PPARGC1A: variants seen among roughly 807,000 people sequenced by gnomAD.
PPARGC1A encodes the protein PPARG coactivator 1 alpha.
A neutral mutation model predicts 88.7 loss-of-function variants in PPARGC1A; 25 were observed. The ratio of observed to expected loss-of-function variants is 0.28; its 90% confidence interval spans 0.21 to 0.39. PPARGC1A has a LOEUF of 0.39. Among genes scored for constraint, PPARGC1A ranks in the 10% least tolerant of loss-of-function variants. The pLI is 1.00. For missense variants in PPARGC1A, 880 were observed against 968.7 expected (o/e 0.91, Z 1.22); for synonymous variants, 363 against 355.6 (o/e 1.02, Z -0.24).
the PPARGC1A span, among the ~76,000 whole-genome samples, chr4:24,452,817 C>G: frequency 6.6e-6 from 1 of 152,162 alleles, no homozygotes; most frequent in South Asian, 2.1e-4. Flanking sequence ...ACATCCCCAA[C>G]AAAGGGCCTG....
At chr4:23,961,621 C>T in the PPARGC1A span, among the ~76,000 whole-genome samples, 1 of 152,154 alleles carries the variant, frequency 6.6e-6, no homozygotes, top group African/African-American at 2.4e-5. Context: ...TGCATTGTAA[C>T]CACATGGTGC....
the PPARGC1A span, among the ~76,000 whole-genome samples, chr4:24,007,996 G>A: frequency 4.6e-5 from 7 of 152,230 alleles, no homozygotes; most frequent in South Asian, 1.0e-3. Flanking sequence ...TGACATCTTG[G>A]GAGCAATACC....
intron 5 of PPARGC1A, among the ~76,000 whole-genome samples, chr4:23,824,943 T>C (rs1723672478): frequency 6.6e-6 from 1 of 152,262 alleles, no homozygotes; most frequent in African/African-American, 2.4e-5. Context: ...GCCCTGATAA[T>C]AGTTATTTCT....
At chr4:24,095,170 T>G in the PPARGC1A span, among the ~76,000 whole-genome samples, 30,322 of 143,380 alleles carry the variant, frequency 0.21, 3,968 homozygotes, top group Admixed American at 0.35. Flanking sequence ...CAGGCTGGAG[T>G]GCAGTGGCAC....
the PPARGC1A span, among the ~76,000 whole-genome samples, chr4:23,939,450 A>G: frequency 6.6e-6 from 1 of 152,236 alleles, no homozygotes; most frequent in African/African-American, 2.4e-5. Flanking sequence ...TGTTTAGAAA[A>G]TAACAACTAT....
At chr4:24,160,448 T>G in the PPARGC1A span, among the ~76,000 whole-genome samples, 60,926 of 152,020 alleles carry the variant, frequency 0.4, 14,199 homozygotes, top group African/African-American at 0.65. Context: ...TTTGCCCAGG[T>G]ATTCTGAATA....
At chr4:24,348,771 A>G in the PPARGC1A span, among the ~76,000 whole-genome samples, 1 of 151,978 alleles carries the variant, frequency 6.6e-6, no homozygotes, top group Non-Finnish European at 1.5e-5. Context: ...TCTTTCCCTT[A>G]TTAGCTAAAT....
chr4:24,217,788 G>A, the PPARGC1A span, among the ~76,000 whole-genome samples: 1 of 152,174 alleles, frequency 6.6e-6, no homozygotes, highest in Non-Finnish European at 1.5e-5. Context: ...GGGCAACAGA[G>A]TGAGACTCCA....
the PPARGC1A span, among the ~76,000 whole-genome samples, chr4:24,356,328 G>A: frequency 5.3e-5 from 8 of 152,258 alleles, no homozygotes; most frequent in Non-Finnish European, 1.0e-4. Context: ...TCACGGGAAG[G>A]CCCAGGGTCT....
At chr4:24,035,808 TTA>T in the PPARGC1A span, among the ~76,000 whole-genome samples, 5 of 152,192 alleles carry the variant, frequency 3.3e-5, no homozygotes, top group African/African-American at 1.2e-4. Flanking sequence ...CTGCAATCCT[TTA>T]TGTTTTACAT....
chr4:24,089,477 G>GC, the PPARGC1A span, among the ~76,000 whole-genome samples: 8,300 of 144,954 alleles, frequency 0.057, 760 homozygotes, highest in African/African-American at 0.18. Context: ...AGACTAGGAT[G>GC]CCTTTTTCTT....
chr4:24,336,340 C>T, the PPARGC1A span, among the ~76,000 whole-genome samples: 3 of 152,108 alleles, frequency 2.0e-5, no homozygotes, highest in Admixed American at 6.5e-5. Flanking sequence ...GATATTTTCT[C>T]CTAAAATGTA....
the PPARGC1A span, among the ~76,000 whole-genome samples, chr4:23,912,889 T>G: frequency 6.6e-6 from 1 of 151,112 alleles, no homozygotes; most frequent in Non-Finnish European, 1.5e-5. Context: ...CCTGGGTTCA[T>G]GCCATTCTCC....
chr4:23,823,208 T>G (rs1723323782), intron 7 of PPARGC1A, among the ~76,000 whole-genome samples: 1 of 151,736 alleles, frequency 6.6e-6, no homozygotes, highest in Non-Finnish European at 1.5e-5. Context: ...ATTTGAAAAA[T>G]TATAAAAATC....
At chr4:24,018,593 AT>A in the PPARGC1A span, among the ~76,000 whole-genome samples, 1 of 152,304 alleles carries the variant, frequency 6.6e-6, no homozygotes, top group East Asian at 1.9e-4. Flanking sequence ...ATGTCTTCTA[AT>A]AAAAAAAATA....
At chr4:24,214,648 A>G in the PPARGC1A span, among the ~76,000 whole-genome samples, 11 of 152,080 alleles carry the variant, frequency 7.2e-5, no homozygotes. Flanking sequence ...TGCCGCCTTC[A>G]GTCTTGCCCT....
chr4:24,091,425 G>C, the PPARGC1A span: 1 of 981,774 alleles, frequency 1.0e-6, no homozygotes, highest in Admixed American at 6.2e-5. Flanking sequence ...CAAAAGAGTT[G>C]AGAGAGATTT....
the PPARGC1A span, among the ~76,000 whole-genome samples, chr4:24,353,961 T>C: frequency 1.3e-5 from 2 of 152,222 alleles, no homozygotes; most frequent in Admixed American, 1.3e-4. Flanking sequence ...ACAAATTTTG[T>C]GGCCTTACAC....
At chr4:24,428,124 C>CAAA in the PPARGC1A span, among the ~76,000 whole-genome samples, 2 of 136,958 alleles carry the variant, frequency 1.5e-5, no homozygotes, top group African/African-American at 5.3e-5. Context: ...ACCCTGTCTC[C>CAAA]AAAAAAAAAA....
Sources: gnomAD v4.1 joint callset for allele counts (sites outside exome capture counted in the v4.1 genomes callset) on GRCh38, gnomAD v4.1.1 for gene constraint, MANE v1.5 for transcripts, NCBI Gene and HGNC (gene_info 2026-07-23, HGNC 2026-07-21) for gene names.